SDK1: variants seen among roughly 807,000 people sequenced by gnomAD.
SDK1 encodes the protein protein sidekick-1.
In SDK1, 157 loss-of-function variants were observed where a neutral mutation model predicts 245.5. The ratio of observed to expected loss-of-function variants is 0.64; its 90% CI spans 0.56 to 0.73. The LOEUF (loss-of-function observed/expected upper bound fraction) is 0.73. Among genes scored for constraint, SDK1 ranks in the 30% least tolerant of loss-of-function variants. The probability of loss-of-function intolerance (pLI) is 0.00; values close to 1 mark genes in which losing one functional copy is unlikely to be tolerated. For missense variants in SDK1, 3,583 were observed against 3,002.3 expected (o/e 1.19, Z -4.52); for synonymous variants, 1,647 against 1,278.5 (o/e 1.29, Z -6.15).
chr7:3,558,780 G>C (rs921504628), intron 1 of SDK1, among the ~76,000 whole-genome samples: 9 of 152,196 alleles, frequency 5.9e-5, no homozygotes, highest in African/African-American at 1.9e-4. Flanking sequence ...TAATTCAGCA[G>C]AATTTTTCTC....
chr7:4,079,777 C>T (rs1174877085), intron 22 of SDK1, among the ~76,000 whole-genome samples, 193 bp downstream of exon 22: 2 of 152,006 alleles, frequency 1.3e-5, no homozygotes, highest in East Asian at 1.9e-4. Flanking sequence ...GATGTCAGGC[C>T]GGGGTCCTAC....
At chr7:3,483,863 A>G (rs1275307983) in intron 1 of SDK1, among the ~76,000 whole-genome samples, 2 of 152,154 alleles carry the variant, frequency 1.3e-5, no homozygotes, top group African/African-American at 4.8e-5. Context: ...ATGTTTATAT[A>G]TACGTTGGAT....
chr7:3,400,843 G>A (rs1236248856), intron 1 of SDK1, among the ~76,000 whole-genome samples: 2 of 152,140 alleles, frequency 1.3e-5, no homozygotes, highest in East Asian at 3.9e-4. Context: ...GCTTTATAAA[G>A]GAGCTTCAAC....
At chr7:3,720,593 G>A (rs745820495) in intron 4 of SDK1, among the ~76,000 whole-genome samples, 1 of 152,190 alleles carries the variant, frequency 6.6e-6, no homozygotes, top group Non-Finnish European at 1.5e-5. Flanking sequence ...AATGGCGTGA[G>A]AATGCAGAGA....
intron 1 of SDK1, among the ~76,000 whole-genome samples, chr7:3,483,980 A>C (rs575544320): frequency 1.3e-5 from 2 of 152,210 alleles, no homozygotes; most frequent in Non-Finnish European, 1.5e-5. Context: ...TGATATTTTG[A>C]TATACGCATA....
chr7:4,144,155 C>CG (rs1779788551), intron 28 of SDK1, among the ~76,000 whole-genome samples: 2 of 138,102 alleles, frequency 1.4e-5, no homozygotes, highest in African/African-American at 2.7e-5. Flanking sequence ...AAGGGGAGGC[C>CG]GGGGGAAAGA....
rs1445071555 is a variant in SDK1, at chr7:4,165,275, C to T, written c.4800+3419C>T. Reference sequence around the variant, plus strand: ...TCGGGAGGCTCAGGCAGGAGAACTGCTTAAACCCGGGAGGTGGAGGTTGCA... The same window carrying T: ...TCGGGAGGCTCAGGCAGGAGAACTGTTTAAACCCGGGAGGTGGAGGTTGCA... On this transcript the variant is annotated intron_variant, in intron 32 of 44. Transcript: ENST00000404826. 2.0e-5 allele frequency among the ~76,000 whole-genome samples: 3 copies of T among 152,194 alleles called. No homozygotes were observed. The South Asian group carries it at 6.2e-4, about 32-fold the overall frequency.
intron 2 of SDK1, among the ~76,000 whole-genome samples, chr7:3,632,539 G>T (rs572098421): frequency 4.0e-5 from 6 of 148,192 alleles, no homozygotes; most frequent in African/African-American, 1.4e-4. Context: ...CAAAACCAGT[G>T]CTACAGATTC....
At chr7:4,225,844 G>T (rs1435377293) in intron 40 of SDK1, among the ~76,000 whole-genome samples, 1 of 152,038 alleles carries the variant, frequency 6.6e-6, no homozygotes, top group East Asian at 1.9e-4. Flanking sequence ...TTCGGCGAGG[G>T]CTGAAGATCC....
intron 2 of SDK1, among the ~76,000 whole-genome samples, chr7:3,628,468 G>T (rs947619224): frequency 6.6e-6 from 1 of 152,162 alleles, no homozygotes; most frequent in Non-Finnish European, 1.5e-5. Context: ...CCCTTCTGCA[G>T]AAGGCATGAT....
At chr7:4,003,653 C>G (rs1007485579) in intron 14 of SDK1, among the ~76,000 whole-genome samples, 9 of 152,212 alleles carry the variant, frequency 5.9e-5, no homozygotes, top group African/African-American at 2.2e-4. Flanking sequence ...CAAGGGTGAA[C>G]CCTGTCAACG....
At chr7:4,075,219 C>T (rs940543263) in intron 20 of SDK1, among the ~76,000 whole-genome samples, 8 of 152,236 alleles carry the variant, frequency 5.3e-5, no homozygotes, top group Non-Finnish European at 8.8e-5. Context: ...GGCCCTTGTT[C>T]CTTGGAGCTC....
At chr7:3,431,298 C>A (rs1024874065) in intron 1 of SDK1, among the ~76,000 whole-genome samples, 12 of 151,870 alleles carry the variant, frequency 7.9e-5, no homozygotes, top group Non-Finnish European at 1.8e-4. Context: ...CATAAAGTGC[C>A]ACCAAAGAGC....
intron 4 of SDK1, among the ~76,000 whole-genome samples, chr7:3,674,790 T>C (rs1783837888): frequency 6.6e-6 from 1 of 152,138 alleles, no homozygotes; most frequent in Non-Finnish European, 1.5e-5. Context: ...CGTCTTTCTA[T>C]AAGGAGTTGG....
intron 1 of SDK1, among the ~76,000 whole-genome samples, chr7:3,531,001 G>A (rs200754501): frequency 6.6e-6 from 1 of 152,184 alleles, no homozygotes; most frequent in Non-Finnish European, 1.5e-5. Context: ...GATGTGGCTT[G>A]TGTTTGGAAT....
chr7:3,517,308 G>T (rs1204145199), intron 1 of SDK1, among the ~76,000 whole-genome samples: 1 of 152,078 alleles, frequency 6.6e-6, no homozygotes, highest in East Asian at 1.9e-4. Flanking sequence ...TGTTTAATCT[G>T]TTTTCATGTT....
intron 4 of SDK1, among the ~76,000 whole-genome samples, chr7:3,796,514 C>T (rs1778964207): frequency 1.3e-5 from 2 of 151,836 alleles, no homozygotes; most frequent in South Asian, 4.2e-4. Flanking sequence ...TCAGTAATGC[C>T]CCTCTCCCCC....
At chr7:3,516,642 A>G (rs1782760860) in intron 1 of SDK1, among the ~76,000 whole-genome samples, 1 of 152,320 alleles carries the variant, frequency 6.6e-6, no homozygotes, top group South Asian at 2.1e-4. Context: ...TGCTTTAAGC[A>G]TACATTAATT....
At chr7:3,931,831 C>T (rs973032153) in intron 5 of SDK1, among the ~76,000 whole-genome samples, 1 of 152,188 alleles carries the variant, frequency 6.6e-6, no homozygotes, top group African/African-American at 2.4e-5. Context: ...ACAAATGACG[C>T]TCTCCTATTA....
Sources: allele counts gnomAD v4.1 joint callset (sites outside exome capture counted in the v4.1 genomes callset), GRCh38; gene constraint gnomAD v4.1.1; transcripts MANE v1.5; gene names NCBI Gene and HGNC (gene_info 2026-07-23, HGNC 2026-07-21).